The following COP1 variants were observed in gnomAD, a reference collection of about 807,000 sequenced individuals.
COP1 encodes the protein E3 ubiquitin-protein ligase COP1.
A neutral mutation model predicts 101.3 loss-of-function variants in COP1; 24 were observed. The ratio of observed to expected loss-of-function variants is 0.24; its 90% CI spans 0.17 to 0.33. The LOEUF is 0.33. COP1 is among the 10% of genes least tolerant of loss of function. The pLI, the probability that COP1 is intolerant of heterozygous loss-of-function variation, is 1.00. For synonymous variants in COP1, 347 were observed against 341.9 expected, an observed-to-expected ratio of 1.01 and a Z score of -0.17; for missense variants, 663 against 906.2, an observed-to-expected ratio of 0.73 and a Z score of 3.45.
intron 1 of COP1, among the ~76,000 whole-genome samples, chr1:176,187,827 G>A (rs72715137): frequency 0.032 from 4,943 of 152,184 alleles, 149 homozygotes; most frequent in Non-Finnish European, 0.045. Flanking sequence ...ATATACATTA[G>A]TAATAGGACT....
At chr1:176,156,041 T>TTTTA (rs981733127) in intron 5 of COP1, among the ~76,000 whole-genome samples, 1 of 152,070 alleles carries the variant, frequency 6.6e-6, no homozygotes, top group South Asian at 2.1e-4. Context: ...TTTTGTTCTT[T>TTTTA]TTTATTTATT....
intron 18 of COP1, among the ~76,000 whole-genome samples, chr1:175,951,150 G>T (rs1398225531): frequency 6.6e-6 from 1 of 152,100 alleles, no homozygotes; most frequent in Non-Finnish European, 1.5e-5. Context: ...TTGGGAGGCT[G>T]AGACAGGAGA....
chr1:176,002,236 T>C (rs1661802627), intron 15 of COP1, among the ~76,000 whole-genome samples: 1 of 152,168 alleles, frequency 6.6e-6, no homozygotes, highest in African/African-American at 2.4e-5. Context: ...TGATGGTGTC[T>C]CCAGGTTTGT....
chr1:176,095,301 C>G (rs1682131025), intron 9 of COP1, among the ~76,000 whole-genome samples: 1 of 152,184 alleles, frequency 6.6e-6, no homozygotes, highest in African/African-American at 2.4e-5. Flanking sequence ...ATAGTGTGAT[C>G]CCCAAAATGT....
Position 176,201,148 on chromosome 1 carries a change from A to G in COP1, c.407+5424T>C, listed in dbSNP as rs142419150. On this transcript the variant is annotated intron_variant, in intron 1 of 19. Transcript: ENST00000367669. ...ATTTCAGATTTTTCAGATTAAGGAT[A>G]CTAACCTGGTAAATATAATTTAAAT... Among the ~76,000 whole-genome samples, 397 of 152,302 alleles carry G rather than the reference A, an allele frequency of 2.6e-3. 3 individuals carry two copies. The highest frequency in any genetic ancestry group is 9.1e-3 in the African/African-American group (379 of 41,564).
intron 3 of COP1, among the ~76,000 whole-genome samples, chr1:176,174,433 C>T (rs776512363): frequency 1.3e-5 from 2 of 152,126 alleles, no homozygotes; most frequent in Non-Finnish European, 2.9e-5. Flanking sequence ...TGTTCTTTTC[C>T]TAAGTTCCTT....
chr1:175,987,371 T>G (rs1482964360), intron 17 of COP1, among the ~76,000 whole-genome samples: 1 of 152,174 alleles, frequency 6.6e-6, no homozygotes, highest in East Asian at 1.9e-4. Flanking sequence ...ATAAAATCAT[T>G]TATAGAGGTT....
intron 15 of COP1, among the ~76,000 whole-genome samples, chr1:176,001,423 A>G (rs1174994649): frequency 6.6e-6 from 1 of 152,128 alleles, no homozygotes; most frequent in East Asian, 1.9e-4. Context: ...TGTTTGTGTA[A>G]ATGGAAATAC....
chr1:176,137,970 T>C (rs1435396167), intron 6 of COP1, among the ~76,000 whole-genome samples: 4 of 152,126 alleles, frequency 2.6e-5, no homozygotes, highest in African/African-American at 9.7e-5. Context: ...TGAAATATCA[T>C]AGCAAGCATT....
rs1364569615 is a variant in COP1, at chr1:176,149,060, G to C, written c.777C>G (p.Ala259=). 1 of 1,578,976 alleles carries C rather than the reference G, an allele frequency of 6.3e-7. No homozygotes were observed. The highest frequency in any genetic ancestry group is 8.6e-7 in the Non-Finnish European group (1 of 1,157,888). ...GGAATTCCATAAGAATCTGTAGTTG[G>C]GCTGCATGTGATTCCTACAATAGAA... is the stretch of plus-strand genomic sequence containing the variant. The part of the protein sequence containing the change: ...KKQLEAESHA[A]QLQILMEFLK... Residue 259 remains alanine (A), a synonymous_variant, in exon 6 of 20, where the codon GCC becomes GCG. Transcript: ENST00000367669.
chr1:176,184,393 C>T (rs184861702), intron 2 of COP1, among the ~76,000 whole-genome samples: 5 of 152,188 alleles, frequency 3.3e-5, no homozygotes, highest in East Asian at 1.9e-4. Flanking sequence ...AATTAATAAA[C>T]GCAGAAGTTT....
Position 175,988,690 on chromosome 1 carries a change from G to A in COP1, c.1848-278C>T, listed in dbSNP as rs976062599. The A allele has an allele frequency of 4.1e-5, 10 of 241,964 alleles. No individual in the cohort carries two copies. In the East Asian group the frequency reaches 7.4e-4, roughly 18 times the overall value. The allele number at this position is 241,964 out of a possible 1,614,324, so 15.0% of individuals were successfully genotyped here. On this transcript the variant is annotated intron_variant, in intron 16 of 19. Transcript: ENST00000367669. ...TCTACTAAAAATACAAAAATTAGTC[G>A]GGCGTGGTAGCACGTGCCTGTAGTC... is the stretch of plus-strand genomic sequence containing the variant.
chr1:176,204,622 T>C (rs866919564), intron 1 of COP1, among the ~76,000 whole-genome samples: 127 of 152,286 alleles, frequency 8.3e-4, no homozygotes, highest in African/African-American at 3.0e-3. Flanking sequence ...AATGAGATTC[T>C]TAGAAAGTGA....
At chr1:175,980,644 T>C (rs1428846743) in intron 18 of COP1, among the ~76,000 whole-genome samples, 1 of 151,658 alleles carries the variant, frequency 6.6e-6, no homozygotes, top group African/African-American at 2.4e-5. Flanking sequence ...TCCTGATGTC[T>C]CAAGCCACAA....
At chr1:175,983,296 T>A (rs1236903071) in intron 18 of COP1, among the ~76,000 whole-genome samples, 1 of 152,164 alleles carries the variant, frequency 6.6e-6, no homozygotes, top group African/African-American at 2.4e-5. Flanking sequence ...AAATGACTCA[T>A]GGGGGCAAGT....
chr1:176,199,514 G>T (rs1371446470), intron 1 of COP1, among the ~76,000 whole-genome samples: 3 of 151,904 alleles, frequency 2.0e-5, no homozygotes, highest in Non-Finnish European at 2.9e-5. Flanking sequence ...CCAAAAACTA[G>T]AAACAAGTCA....
chr1:176,066,750 C>T (rs1259868283), intron 11 of COP1, among the ~76,000 whole-genome samples: 2 of 152,134 alleles, frequency 1.3e-5, no homozygotes, highest in African/African-American at 2.4e-5. Flanking sequence ...AATTCCTTCA[C>T]CAAAAAATGA....
chr1:176,133,547 A>G (rs1689295425), intron 8 of COP1, among the ~76,000 whole-genome samples: 2 of 151,808 alleles, frequency 1.3e-5, no homozygotes, highest in African/African-American at 4.8e-5. Context: ...ACCTCCATAC[A>G]CACATCCCAA....
chr1:176,064,207 CAAACCCAATGTAAAGT>C (rs1414367367), intron 11 of COP1, among the ~76,000 whole-genome samples: 1 of 152,080 alleles, frequency 6.6e-6, no homozygotes, highest in Non-Finnish European at 1.5e-5. Context: ...TGCATAAAAA[CAAACCCAATGTAAAGT>C]TTGAAAACTT....
Sources: gnomAD v4.1 joint callset for allele counts (sites outside exome capture counted in the v4.1 genomes callset) on GRCh38, gnomAD v4.1.1 for gene constraint, MANE v1.5 for transcripts, NCBI Gene and HGNC (gene_info 2026-07-23, HGNC 2026-07-21) for gene names.